SKP2: variants seen among roughly 807,000 people sequenced by gnomAD.
The protein encoded by SKP2 is S-phase kinase-associated protein 2.
A neutral mutation model predicts 51.8 loss-of-function variants in SKP2; 16 were observed. That is an observed-to-expected ratio of 0.31 (90% confidence interval 0.21 to 0.47). The LOEUF is 0.47. SKP2 is among the 20% of genes least tolerant of loss of function. The pLI is 1.00. For synonymous variants in SKP2, 176 were observed against 198.6 expected, an observed-to-expected ratio of 0.89 and a Z score of 0.96; for missense variants, 377 against 505.3, an observed-to-expected ratio of 0.75 and a Z score of 2.43.
chr5:36,184,964 G>A (rs1745931713), downstream of SKP2, among the ~76,000 whole-genome samples: 1 of 152,206 alleles, frequency 6.6e-6, no homozygotes, highest in African/African-American at 2.4e-5. Context: ...TCTAACTGGT[G>A]TGAGATGGTA....
chr5:36,156,059 T>A (rs1391171525), intron 2 of SKP2, among the ~76,000 whole-genome samples: 1 of 152,178 alleles, frequency 6.6e-6, no homozygotes, highest in Admixed American at 6.5e-5. Context: ...TAAAGCTGAC[T>A]TCAAAAGTAT....
chr5:36,191,779 T>A (rs1456571235), intron 6 of SKP2, among the ~76,000 whole-genome samples: 1 of 152,148 alleles, frequency 6.6e-6, no homozygotes, highest in Non-Finnish European at 1.5e-5. Context: ...ACAAGCAAGA[T>A]GACAACCTCC....
downstream of SKP2, among the ~76,000 whole-genome samples, chr5:36,187,985 T>G (rs1277681442): frequency 1.3e-5 from 2 of 152,230 alleles, no homozygotes; most frequent in Non-Finnish European, 2.9e-5. Context: ...TTTACCATTA[T>G]GTAATGGCCT....
chr5:36,178,998 G>C (rs1167141228), intron 9 of SKP2, among the ~76,000 whole-genome samples: 2 of 152,122 alleles, frequency 1.3e-5, no homozygotes, highest in Admixed American at 1.3e-4. Flanking sequence ...CAGACCTGTT[G>C]TGAACCTTCA....
intron 1 of SKP2, 104 bp downstream of exon 1, chr5:36,152,374 A>G: frequency 9.0e-7 from 1 of 1,109,464 alleles, no homozygotes; most frequent in Non-Finnish European, 1.4e-6. Flanking sequence ...AATGCTGTTA[A>G]GTGAATGGTT....
intron 2 of SKP2, among the ~76,000 whole-genome samples, chr5:36,159,391 C>G (rs1432161450): frequency 1.3e-5 from 2 of 152,180 alleles, no homozygotes; most frequent in African/African-American, 4.8e-5. Flanking sequence ...ATTTATTTCT[C>G]CTGCCCTGTA....
At chr5:36,168,536 A>G (rs145823052) in intron 5 of SKP2, 89 bp downstream of exon 5, 23,326 of 1,246,630 alleles carry the variant, frequency 0.019, 305 homozygotes, top group Non-Finnish European at 0.024. Context: ...CCTTCTAGCC[A>G]TATCCAGGTG....
chr5:36,181,958 T>C lies in SKP2; in HGVS notation c.1202T>C (p.Ile401Thr), dbSNP rs151269185. The change falls in exon 10 of 10, where the codon ATT becomes ACT. Residue 401 changes from isoleucine to threonine, a missense_variant. By Grantham distance (89) the Ile-to-Thr change is moderately conservative. Transcript: ENST00000274255. ...SHFTTIARPT[I>T]GNKKNQEIWG... is the part of the protein sequence containing the mutation. ...TTCACCACCATTGCCAGGCCAACTA[T>C]TGGCAACAAAAAGAACCAGGAGATA... 1.2e-6 allele frequency: 2 copies of C among 1,614,018 alleles called. No individual in the cohort carries two copies. The highest frequency in any genetic ancestry group is 8.5e-7 in the Non-Finnish European group (1 of 1,180,002).
At chr5:36,156,834 A>G (rs904006082) in intron 2 of SKP2, among the ~76,000 whole-genome samples, 2 of 152,132 alleles carry the variant, frequency 1.3e-5, no homozygotes, top group East Asian at 1.9e-4. Context: ...TTCAAAGTGT[A>G]AAATTCCTGA....
intron 7 of SKP2, among the ~76,000 whole-genome samples, chr5:36,175,240 G>A (rs1745594864): frequency 1.3e-5 from 2 of 152,116 alleles, no homozygotes; most frequent in South Asian, 4.1e-4. Flanking sequence ...AAGGGTTTTG[G>A]CTGAAGCCAC....
intron 1 of SKP2, 41 bp from the exon 2 acceptor site, chr5:36,152,730 G>A (rs1463302634): frequency 6.3e-7 from 1 of 1,592,600 alleles, no homozygotes; most frequent in South Asian, 1.1e-5. Context: ...ATTTATGGGT[G>A]TGTTTTCGAA....
intron 9 of SKP2, among the ~76,000 whole-genome samples, chr5:36,180,898 T>C (rs1288739847): frequency 2.0e-5 from 3 of 152,200 alleles, no homozygotes; most frequent in Non-Finnish European, 4.4e-5. Context: ...AAATGTTCCC[T>C]TTCCTGAGAC....
rs555092751 is a variant in SKP2, at chr5:36,183,749, A to T, written c.*1718A>T. Reference sequence around the variant, plus strand: ...CTTTATCTGCTTAGACCTAAGGAAGATTTTAAAGTTGGGTTGCACAGGAAA... The same window carrying T: ...CTTTATCTGCTTAGACCTAAGGAAGTTTTTAAAGTTGGGTTGCACAGGAAA... On this transcript the variant is annotated 3_prime_UTR_variant, in exon 10 of 10. Transcript: ENST00000274255. The T allele has an allele frequency of 6.9e-6, 10 of 1,454,598 alleles. No homozygotes were observed. In the African/African-American group the frequency reaches 1.4e-4, roughly 21 times the overall value. 90.1% of individuals were successfully genotyped at this position (1,454,598 alleles called of 1,614,324 possible).
Position 36,184,042 on chromosome 5 carries a change from C to T in SKP2, c.*2011C>T, listed in dbSNP as rs1050586520. On this transcript the variant is annotated 3_prime_UTR_variant, in exon 10 of 10. Coordinates refer to ENST00000274255, the MANE Select transcript of SKP2 (RefSeq NM_005983.4). The stretch of plus-strand genomic sequence containing the variant: ...ATTTTTATAAAAATGAGTGCTTAAA[C>T]TAAGTTGTATTCCTTTTTTCTTTCT... 1 of 1,132,688 alleles carries T rather than the reference C, an allele frequency of 8.8e-7. No individual in the cohort carries two copies. The highest frequency in any genetic ancestry group is 1.6e-5 in the African/African-American group (1 of 63,662). The allele number at this position is 1,132,688 out of a possible 1,614,324, so 70.2% of individuals were successfully genotyped here. A position where few individuals can be genotyped will look rare whatever the true frequency, so the allele number is the denominator to read the frequency against.
chr5:36,192,360 T>C (rs1301918269), intron 6 of SKP2, among the ~76,000 whole-genome samples: 2 of 152,204 alleles, frequency 1.3e-5, no homozygotes, highest in Non-Finnish European at 2.9e-5. Flanking sequence ...TTCTGCATAA[T>C]TGTCTTAGTA....
intron 2 of SKP2, among the ~76,000 whole-genome samples, chr5:36,154,080 A>T (rs1353024607): frequency 6.6e-6 from 1 of 152,172 alleles, no homozygotes; most frequent in Non-Finnish European, 1.5e-5. Context: ...AATAAACACA[A>T]TAACTATTTT....
intron 9 of SKP2, among the ~76,000 whole-genome samples, chr5:36,180,627 T>C (rs1465967880): frequency 1.3e-5 from 2 of 152,156 alleles, no homozygotes; most frequent in Admixed American, 1.3e-4. Context: ...TCAGACTAGC[T>C]GAACAGCCTG....
chr5:36,163,715 G>A lies in SKP2; in HGVS notation c.351G>A (p.Leu117=), dbSNP rs1474827268. 4 of 1,613,962 alleles carry A rather than the reference G, an allele frequency of 2.5e-6. No individual in the cohort carries two copies. In the South Asian group the frequency reaches 4.4e-5, roughly 18 times the overall value. ...GIFSCLCLPE[L]LKVSGVCKRW... is the part of the protein sequence containing the mutation. ...TTTCCTGTCTGTGCCTCCCTGAGCTGCTAAAGGTCTCTGGTGTTTGTAAGA... is the reference window on the plus strand; with the variant it reads ...TTTCCTGTCTGTGCCTCCCTGAGCTACTAAAGGTCTCTGGTGTTTGTAAGA... The change falls in exon 3 of 10, where the codon CTG becomes CTA. Residue 117 remains leucine (L), a synonymous_variant. Coordinates refer to ENST00000274255, the MANE Select transcript of SKP2 (RefSeq NM_005983.4).
At position 36,184,209 on chromosome 5, in the gene SKP2, T is replaced by TA. The variant is rs201881807; in HGVS notation, c.*2188dup. ...CATCTACTTCATATGCTTGTCACAT[T>TA]AAAAAAAAAAGTTTATAATGCCTTT... On this transcript the variant is annotated 3_prime_UTR_variant, in exon 10 of 10. Coordinates refer to ENST00000274255, the MANE Select transcript of SKP2 (RefSeq NM_005983.4). The TA allele has an allele frequency of 0.018, 5,923 of 328,386 alleles. No homozygotes were observed. The highest frequency in any genetic ancestry group is 0.026 in the Middle Eastern group (30 of 1,176). The allele number at this position is 328,386 out of a possible 1,614,324, so 20.3% of individuals were successfully genotyped here.
Sources: allele counts gnomAD v4.1 joint callset (sites outside exome capture counted in the v4.1 genomes callset), GRCh38; gene constraint gnomAD v4.1.1; transcripts MANE v1.5; gene names NCBI Gene and HGNC (gene_info 2026-07-23, HGNC 2026-07-21).